Variants in RBFOX1 observed in about 807,000 individuals in gnomAD.
RBFOX1 encodes the protein RNA binding fox-1 homolog 1, also known as RNA binding protein fox-1 homolog 1.
A neutral mutation model predicts 57.7 loss-of-function variants in RBFOX1; 8 were observed. That is an observed-to-expected ratio of 0.14 (90% CI 0.08 to 0.25). RBFOX1 has a LOEUF of 0.25. Among genes scored for constraint, RBFOX1 ranks in the 10% least tolerant of loss-of-function variants. The pLI is 1.00. For missense variants in RBFOX1, 611 were observed against 548.5 expected (o/e 1.11, Z -1.14); for synonymous variants, 326 against 222.4 (o/e 1.47, Z -4.15).
At chr16:5,952,579 G>A (rs992900652) in intron 4 of RBFOX1, among the ~76,000 whole-genome samples, 5 of 152,156 alleles carry the variant, frequency 3.3e-5, no homozygotes, top group African/African-American at 1.2e-4. Flanking sequence ...AAGTCACCAT[G>A]CCCAGCCTAT....
chr16:7,033,085 C>G (rs111416013), intron 3 of RBFOX1, among the ~76,000 whole-genome samples: 60 of 152,272 alleles, frequency 3.9e-4, no homozygotes, highest in African/African-American at 1.3e-3. Context: ...AATGCCAACT[C>G]TCTCCTCTTG....
chr16:7,527,237 A>G (rs1057124375), intron 5 of RBFOX1, among the ~76,000 whole-genome samples: 6 of 152,116 alleles, frequency 3.9e-5, no homozygotes, highest in Non-Finnish European at 8.8e-5. Flanking sequence ...CCTGAGCACT[A>G]TGCTTCTCAC....
chr16:6,842,133 A>G (rs1471888204), intron 3 of RBFOX1, among the ~76,000 whole-genome samples: 2 of 150,220 alleles, frequency 1.3e-5, no homozygotes, highest in African/African-American at 2.5e-5. Context: ...ACAGAGCAAG[A>G]CTGTCTCAGA....
At chr16:5,667,568 C>T (rs918098021) in intron 3 of RBFOX1, among the ~76,000 whole-genome samples, 2 of 152,166 alleles carry the variant, frequency 1.3e-5, no homozygotes, top group Non-Finnish European at 2.9e-5. Flanking sequence ...TCCTTTGTGG[C>T]CTGTACTAGA....
chr16:6,265,015 C>T (rs2074298249), intron 1 of RBFOX1, among the ~76,000 whole-genome samples: 1 of 152,166 alleles, frequency 6.6e-6, no homozygotes, highest in Non-Finnish European at 1.5e-5. Context: ...CATGCCGCAT[C>T]ACCCTATTTC....
intron 2 of RBFOX1, among the ~76,000 whole-genome samples, chr16:6,498,974 C>T (rs950051437): frequency 6.6e-5 from 10 of 152,110 alleles, no homozygotes; most frequent in Admixed American, 1.3e-4. Context: ...TGGCAAAAAG[C>T]GACTTATGGT....
intron 1 of RBFOX1, among the ~76,000 whole-genome samples, chr16:6,252,842 T>C (rs892551097): frequency 2.0e-5 from 3 of 152,176 alleles, no homozygotes; most frequent in African/African-American, 7.2e-5. Context: ...TGCTGTTCGA[T>C]GGGTGTGAAT....
chr16:7,068,329 G>T (rs372933883), intron 4 of RBFOX1, among the ~76,000 whole-genome samples: 1 of 152,076 alleles, frequency 6.6e-6, no homozygotes, highest in Non-Finnish European at 1.5e-5. Context: ...GCAGACATTT[G>T]ATTTGTGTTC....
At chr16:5,249,110 C>T (rs1422169222) in intron 1 of RBFOX1, among the ~76,000 whole-genome samples, 1 of 151,582 alleles carries the variant, frequency 6.6e-6, no homozygotes, top group Non-Finnish European at 1.5e-5. Flanking sequence ...TTCCAAAGGA[C>T]ATGAAGACAA....
rs1471283072 is a variant in RBFOX1, at chr16:5,752,206, G to T, written c.319-115097G>T. 2.6e-5 allele frequency among the ~76,000 whole-genome samples: 4 copies of T among 152,340 alleles called. No individual in the cohort carries two copies. In the South Asian group the frequency reaches 6.2e-4, roughly 24 times the overall value. ...ACATACTGCATGTTCTTACTTAGAA[G>T]TGGTAGCTGAATGATGAGAACACAG... On this transcript the variant is annotated intron_variant, in intron 3 of 19. Transcript: ENST00000641259.
chr16:7,700,047 C>T (rs2080153684), intron 14 of RBFOX1, among the ~76,000 whole-genome samples: 1 of 152,040 alleles, frequency 6.6e-6, no homozygotes, highest in Non-Finnish European at 1.5e-5. Context: ...GTTCAGGGCC[C>T]AGAACCTCCC....
At chr16:7,338,466 G>A (rs1478204205) in intron 4 of RBFOX1, among the ~76,000 whole-genome samples, 1 of 152,158 alleles carries the variant, frequency 6.6e-6, no homozygotes, top group Non-Finnish European at 1.5e-5. Flanking sequence ...TGCAATCATA[G>A]CTCACTGTAG....
At chr16:6,866,393 A>T (rs117114767) in intron 3 of RBFOX1, among the ~76,000 whole-genome samples, 1,850 of 152,126 alleles carry the variant, frequency 0.012, 22 homozygotes, top group Non-Finnish European at 0.02. Context: ...GAAGAAAAAA[A>T]ATCAAACCTT....
At chr16:6,815,854 A>T (rs964127535) in intron 3 of RBFOX1, among the ~76,000 whole-genome samples, 1 of 152,208 alleles carries the variant, frequency 6.6e-6, no homozygotes, top group Non-Finnish European at 1.5e-5. Flanking sequence ...ACATTTGTCA[A>T]CACTCAGTCT....
intron 11 of RBFOX1, among the ~76,000 whole-genome samples, chr16:7,639,144 T>A (rs2062316574): frequency 6.6e-6 from 1 of 152,188 alleles, no homozygotes; most frequent in Admixed American, 6.5e-5. Flanking sequence ...TGATCAAATC[T>A]GGTTTCAGAG....
chr16:6,966,233 G>T (rs1198268692), intron 3 of RBFOX1, among the ~76,000 whole-genome samples: 1 of 152,080 alleles, frequency 6.6e-6, no homozygotes, highest in Non-Finnish European at 1.5e-5. Context: ...CTCACATAGG[G>T]CCACATCCAG....
chr16:5,773,573 T>C (rs2054048344), intron 3 of RBFOX1, among the ~76,000 whole-genome samples: 1 of 152,270 alleles, frequency 6.6e-6, no homozygotes, highest in Admixed American at 6.5e-5. Context: ...TCAGTTTATT[T>C]TTCCCATTCT....
intron 1 of RBFOX1, chr16:6,038,531 G>GATATATATATATATATATATCATCCATAT: frequency 7.5e-6 from 1 of 133,960 alleles, no homozygotes; most frequent in African/African-American, 2.8e-5. Context: ...TATCCGTGGA[G>GATATATATATATATATATATCATCCATAT]ATATATATAT....
At chr16:6,646,698 T>A (rs1301329047) in intron 2 of RBFOX1, among the ~76,000 whole-genome samples, 3 of 152,112 alleles carry the variant, frequency 2.0e-5, no homozygotes, top group Non-Finnish European at 4.4e-5. Flanking sequence ...CTCACCTCGT[T>A]TCTCAGTGGT....
Sources: gnomAD v4.1 joint callset for allele counts (sites outside exome capture counted in the v4.1 genomes callset) on GRCh38, gnomAD v4.1.1 for gene constraint, MANE v1.5 for transcripts, NCBI Gene and HGNC (gene_info 2026-07-23, HGNC 2026-07-21) for gene names.